CRYBG3: variants seen among roughly 807,000 people sequenced by gnomAD.
CRYBG3 encodes very large A-kinase anchor protein.
A neutral mutation model predicts 244.2 loss-of-function variants in CRYBG3; 127 were observed. The observed-to-expected ratio is 0.52, with a 90% CI of 0.45 to 0.60. CRYBG3 has a LOEUF of 0.60. CRYBG3 is among the 20% of genes least tolerant of loss of function. The probability of loss-of-function intolerance (pLI) is 0.00; values close to 1 mark genes in which losing one functional copy is unlikely to be tolerated. For missense variants in CRYBG3, 3,325 were observed against 3,442.5 expected, an observed-to-expected ratio of 0.97 and a Z score of 0.85; for synonymous variants, 1,132 against 1,195.8, an observed-to-expected ratio of 0.95 and a Z score of 1.10.
At chr3:97,891,426 A>C (rs1011106984) in intron 10 of CRYBG3, among the ~76,000 whole-genome samples, 5 of 152,192 alleles carry the variant, frequency 3.3e-5, no homozygotes, top group African/African-American at 1.2e-4. Flanking sequence ...TTCTTTGTGA[A>C]TATCCAACAT....
intron 1 of CRYBG3, among the ~76,000 whole-genome samples, chr3:97,833,147 CAG>C (rs1218017201): frequency 6.6e-6 from 1 of 152,162 alleles, no homozygotes; most frequent in Non-Finnish European, 1.5e-5. Flanking sequence ...TTGTGGAAGA[CAG>C]TGTGGCGATT....
chr3:97,904,159 A>G (rs1269573556), intron 15 of CRYBG3, among the ~76,000 whole-genome samples: 1 of 152,202 alleles, frequency 6.6e-6, no homozygotes, highest in Non-Finnish European at 1.5e-5. Context: ...TAATTATTAT[A>G]ATCAGCAAGC....
At chr3:97,915,471 T>G in intron 16 of CRYBG3, 139 bp from the exon 17 acceptor site, 1 of 721,610 alleles carries the variant, frequency 1.4e-6, no homozygotes, top group Non-Finnish European at 2.1e-6. Context: ...TTGTGTTTTT[T>G]GTTTTTTTAA....
intron 2 of CRYBG3, among the ~76,000 whole-genome samples, chr3:97,849,485 G>T (rs145793887): frequency 2.0e-5 from 3 of 152,136 alleles, no homozygotes; most frequent in East Asian, 3.9e-4. Context: ...TGGAAAATGC[G>T]CTGTGTGTTA....
intron 15 of CRYBG3, 57 bp downstream of exon 15, chr3:97,900,542 C>A: frequency 9.5e-7 from 1 of 1,052,892 alleles, no homozygotes; most frequent in Non-Finnish European, 1.4e-6. Context: ...CATTTATACC[C>A]TTTCTCTCAA....
intron 10 of CRYBG3, among the ~76,000 whole-genome samples, chr3:97,891,217 A>G (rs2039571824): frequency 6.6e-6 from 1 of 152,164 alleles, no homozygotes; most frequent in African/African-American, 2.4e-5. Context: ...GAAGGTCTAT[A>G]TTAAAATTCC....
At chr3:97,830,769 A>G (rs1233046560) in intron 1 of CRYBG3, among the ~76,000 whole-genome samples, 1 of 151,858 alleles carries the variant, frequency 6.6e-6, no homozygotes, top group Non-Finnish European at 1.5e-5. Flanking sequence ...AGACTCTACA[A>G]ATGCACAGTA....
chr3:97,871,906 A>T lies in CRYBG3; in HGVS notation c.712A>T (p.Ile238Phe). The change falls in exon 4 of 22, where the codon ATT becomes TTT. Residue 238 changes from isoleucine to phenylalanine, a missense_variant. Ile to Phe is a conservative substitution (Grantham distance 21, BLOSUM62 0). Transcript: ENST00000389622. ...TGCAACATATCGAGGCCCAAGACAC[A>T]TTGGGAAATATTTAAAGCAACAGAC... ...TYATYRGPRH[I>F]GKYLKQQTGL... 1.3e-6 allele frequency: 2 copies of T among 1,535,198 alleles called. No individual in the cohort carries two copies. Among genetic ancestry groups the T allele is most frequent in the Non-Finnish European group, 1.7e-6 (2 of 1,146,490 alleles).
Position 97,877,346 on chromosome 3 carries a change from A to G in CRYBG3, c.6152A>G (p.His2051Arg). 1 of 1,614,106 alleles carries G rather than the reference A, an allele frequency of 6.2e-7. No homozygotes were observed. The highest frequency in any genetic ancestry group is 8.5e-7 in the Non-Finnish European group (1 of 1,179,986). The change falls in exon 4 of 22, where the codon CAC (histidine) becomes CGC (arginine). Residue 2051 changes from histidine (H) to arginine (R), a missense_variant. His to Arg is a conservative substitution (Grantham distance 29). Coordinates refer to ENST00000389622, the MANE Select transcript of CRYBG3 (RefSeq NM_153605.4). ...RSESRTDLVH[H>R]FEKGTKLGET... is the part of the protein sequence containing the mutation. Reference sequence around the variant, plus strand: ...GAGAGTAGAACTGACCTTGTCCATCACTTTGAAAAAGGTACTAAATTAGGT... The same window carrying G: ...GAGAGTAGAACTGACCTTGTCCATCGCTTTGAAAAAGGTACTAAATTAGGT...
At position 97,874,642 on chromosome 3, in the gene CRYBG3, G is replaced by C; in HGVS notation, c.3448G>C (p.Val1150Leu). The change falls in exon 4 of 22, where the codon GTG becomes CTG. Residue 1150 changes from valine (V) to leucine (L), a missense_variant. Val to Leu is a conservative substitution (Grantham distance 32). Transcript: ENST00000389622. ...AACTGCTGCCCAATTTGACAATCTC[G>C]TGGAAGCAGAGACTGGAGCAGTTGC... ...FPTAAQFDNL[V>L]EAETGAVAGP... 6.5e-7 allele frequency: 1 copy of C among 1,536,032 alleles called. No homozygotes were observed. The highest frequency in any genetic ancestry group is 8.7e-7 in the Non-Finnish European group (1 of 1,146,844).
At position 97,839,627 on chromosome 3, in the gene CRYBG3, G is replaced by A. The variant is rs557745647; in HGVS notation, c.150-3568G>A. Among the ~76,000 whole-genome samples the A allele has an allele frequency of 7.9e-5, 12 of 152,058 alleles. No individual in the cohort carries two copies. In the South Asian group the frequency reaches 1.2e-3, roughly 16 times the overall value. ...TGTTTTCTGATGAAGGTAAGCAGGC[G>A]CAAATGGAAATATGGTTATAGATTT... On this transcript the variant is annotated intron_variant, in intron 1 of 21. Coordinates refer to ENST00000389622, the MANE Select transcript of CRYBG3 (RefSeq NM_153605.4).
Position 97,877,555 on chromosome 3 carries a change from T to C in CRYBG3, c.6361T>C (p.Ser2121Pro), listed in dbSNP as rs1027465808. 1 of 1,614,146 alleles carries C rather than the reference T, an allele frequency of 6.2e-7. No individual in the cohort carries two copies. Among genetic ancestry groups the C allele is most frequent in the Admixed American group, 1.7e-5 (1 of 60,016 alleles). Residue 2121 changes from serine to proline, a missense_variant, in exon 4 of 22, where the codon TCT (serine) becomes CCT (proline). Coordinates refer to ENST00000389622, the MANE Select transcript of CRYBG3 (RefSeq NM_153605.4). ...RKSRDSENQSSSVLSLLQSVS... is the reference protein window; with the variant it reads ...RKSRDSENQSPSVLSLLQSVS... ...ATCAAGAGACAGTGAAAACCAGTCC[T>C]CTTCTGTTTTATCCCTTCTCCAGTC...
intron 15 of CRYBG3, among the ~76,000 whole-genome samples, chr3:97,911,306 T>C (rs2039869505): frequency 6.6e-6 from 1 of 152,180 alleles, no homozygotes; most frequent in South Asian, 2.1e-4. Flanking sequence ...CTGTGGGCCA[T>C]GTTGTTCCAA....
chr3:97,856,434 A>G (rs1483690085), intron 2 of CRYBG3, among the ~76,000 whole-genome samples: 1 of 152,226 alleles, frequency 6.6e-6, no homozygotes, highest in Admixed American at 6.5e-5. Context: ...ATTAAAGTAA[A>G]GAGAGGCATA....
chr3:97,915,418 G>A (rs1003397352), intron 16 of CRYBG3, among the ~76,000 whole-genome samples, 192 bp from the exon 17 acceptor site: 2 of 152,132 alleles, frequency 1.3e-5, no homozygotes, highest in Non-Finnish European at 2.9e-5. Context: ...CCAGCCTAAT[G>A]CCTGGCGCAT....
chr3:97,940,216 C>T (rs1405069740), intron 19 of CRYBG3, among the ~76,000 whole-genome samples: 2 of 151,974 alleles, frequency 1.3e-5, no homozygotes, highest in Non-Finnish European at 2.9e-5. Context: ...ATTATGTGCC[C>T]TGCTCTTTCA....
intron 7 of CRYBG3, among the ~76,000 whole-genome samples, chr3:97,884,677 T>C (rs2039487365): frequency 1.3e-5 from 2 of 152,186 alleles, no homozygotes; most frequent in Non-Finnish European, 2.9e-5. Flanking sequence ...CATCAAGAAT[T>C]ATACATATGT....
intron 12 of CRYBG3, among the ~76,000 whole-genome samples, chr3:97,898,443 T>G (rs919579169): frequency 6.6e-6 from 1 of 152,168 alleles, no homozygotes; most frequent in African/African-American, 2.4e-5. Flanking sequence ...ATTTTAAATT[T>G]TAATGAGCAT....
intron 11 of CRYBG3, among the ~76,000 whole-genome samples, chr3:97,894,185 C>G (rs9809800): frequency 4.4e-4 from 67 of 152,176 alleles, no homozygotes; most frequent in Non-Finnish European, 7.9e-4. Flanking sequence ...AATGTTTTTC[C>G]TATTAACTAG....
Sources: gnomAD v4.1 joint callset for allele counts (sites outside exome capture counted in the v4.1 genomes callset) on GRCh38, gnomAD v4.1.1 for gene constraint, MANE v1.5 for transcripts, NCBI Gene and HGNC (gene_info 2026-07-23, HGNC 2026-07-21) for gene names.